The following TSPO2 variants were observed in gnomAD, a reference collection of about 807,000 sequenced individuals.
TSPO2 encodes the protein benzodiazapine receptor (peripheral)-like 1.
TSPO2 carries 15 observed loss-of-function variants against 13.3 expected under a neutral mutation model. That is an observed-to-expected ratio of 1.13 (90% CI 0.75 to 1.73). The LOEUF is 1.73. Among genes scored for constraint, TSPO2 ranks in the 40% most tolerant of loss-of-function variants. The pLI, the probability that TSPO2 is intolerant of heterozygous loss-of-function variation, is 0.00. For synonymous variants in TSPO2, 81 were observed against 91.6 expected (o/e 0.88, Z 0.66); for missense variants, 202 against 198.3 (o/e 1.02, Z -0.11).
Position 41,043,086 on chromosome 6 carries a change from C to G in TSPO2, c.101C>G (p.Pro34Arg). Residue 34 changes from proline (P) to arginine (R), a missense_variant, in exon 2 of 4, where the codon CCG becomes CGG. Pro to Arg is a moderately radical substitution (Grantham distance 103). Transcript: ENST00000373161. ...RDHMSGWCEG[P>R]RMLSWCPFYK... ...CACATGTCTGGTTGGTGTGAGGGCC[C>G]GAGGATGCTGTCCTGGTGCCCATTC... 6.2e-7 allele frequency: 1 copy of G among 1,614,098 alleles called. No homozygotes were observed. The highest frequency in any genetic ancestry group is 8.5e-7 in the Non-Finnish European group (1 of 1,180,020).
rs1359207865 is a variant in TSPO2 at position 41,044,234 on chromosome 6, T to G, written c.*97T>G. 31 of 1,291,394 alleles carry G rather than the reference T, an allele frequency of 2.4e-5. No homozygotes were observed. Among genetic ancestry groups the G allele is most frequent in the Non-Finnish European group, 3.0e-5 (27 of 911,774 alleles). 80.0% of individuals were successfully genotyped at this position (1,291,394 alleles called of 1,614,324 possible). ...AGGGTTCACCCCAATGGGACCACCCTCCTGGGTCCCCTGGTGCCGTTTTTC... is the reference window on the plus strand; with the variant it reads ...AGGGTTCACCCCAATGGGACCACCCGCCTGGGTCCCCTGGTGCCGTTTTTC... On this transcript the variant is annotated 3_prime_UTR_variant, in exon 4 of 4. Coordinates refer to ENST00000373161, the MANE Select transcript of TSPO2 (RefSeq NM_001010873.3).
Position 41,044,223 on chromosome 6 carries a change from TGGGA to T in TSPO2, c.*87_*90del. 1 of 1,427,638 alleles carries T rather than the reference TGGGA, an allele frequency of 7.0e-7. No homozygotes were observed. Among genetic ancestry groups the T allele is most frequent in the Non-Finnish European group, 9.8e-7 (1 of 1,024,814 alleles). The allele number at this position is 1,427,638 out of a possible 1,614,324, so 88.4% of individuals were successfully genotyped here. ...GCTGTGGAGTTAGGGTTCACCCCAA[TGGGA>T]CCACCCTCCTGGGTCCCCTGGTGCC... On this transcript the variant is annotated 3_prime_UTR_variant, in exon 4 of 4. Coordinates refer to ENST00000373161, the MANE Select transcript of TSPO2 (RefSeq NM_001010873.3).
rs750976131 is a variant in TSPO2, at chr6:41,044,121, C to A, written c.497C>A (p.Thr166Lys). Residue 166 changes from threonine to lysine, a missense_variant, in exon 4 of 4, where the codon ACG becomes AAG. Thr to Lys is a moderately conservative substitution (Grantham distance 78). Coordinates refer to ENST00000373161, the MANE Select transcript of TSPO2 (RefSeq NM_001010873.3). ...TGTCCAGTGCACCAGCCTCAGCCCACGGAGAAGAGTGACTGAGGCCCTAGG... is the reference window on the plus strand; with the variant it reads ...TGTCCAGTGCACCAGCCTCAGCCCAAGGAGAAGAGTGACTGAGGCCCTAGG... ...SLCPVHQPQPTEKSD is the reference protein window; with the variant it reads ...SLCPVHQPQPKEKSD 6 of 1,613,952 alleles carry A rather than the reference C, an allele frequency of 3.7e-6. No individual in the cohort carries two copies. In the African/African-American group the frequency reaches 6.7e-5, roughly 18 times the overall value.
At position 41,043,055 on chromosome 6, in the gene TSPO2, C is replaced by T; in HGVS notation, c.70C>T (p.Arg24Cys). 2.5e-6 allele frequency: 4 copies of T among 1,614,124 alleles called. No homozygotes were observed. The highest frequency in any genetic ancestry group is 1.6e-4 in the Middle Eastern group (1 of 6,062). The change falls in exon 2 of 4, where the codon CGT becomes TGT. Residue 24 changes from arginine (R) to cysteine (C), a missense_variant. By Grantham distance (180) the Arg-to-Cys change is radical. Coordinates refer to ENST00000373161, the MANE Select transcript of TSPO2 (RefSeq NM_001010873.3). ...GCCCATCCTGGTCTGGCTGTTCACT[C>T]GTGATCACATGTCTGGTTGGTGTGA... ...LGPILVWLFT[R>C]DHMSGWCEGP...
At chr6:41,043,895 T>C in intron 3 of TSPO2, 45 bp from the exon 4 acceptor site, 1 of 1,587,296 alleles carries the variant, frequency 6.3e-7, no homozygotes, top group Non-Finnish European at 8.6e-7. Flanking sequence ...AAGGTGGAGG[T>C]GCTGGTTCTC....
Position 41,044,323 on chromosome 6 carries a change from A to G in TSPO2, c.*186A>G, listed in dbSNP as rs1762644481. The G allele has an allele frequency of 1.6e-6, 1 of 611,080 alleles. No homozygotes were observed. Among genetic ancestry groups the G allele is most frequent in the African/African-American group, 1.8e-5 (1 of 54,162 alleles). 37.9% of individuals were successfully genotyped at this position (611,080 alleles called of 1,614,324 possible). A position where few individuals can be genotyped will look rare whatever the true frequency, so the allele number is the denominator to read the frequency against. ...TTTTACACTTAAATAATAAAATCCT[A>G]TTAGTAACTCTGAAGGTATGATGTG... On this transcript the variant is annotated 3_prime_UTR_variant, in exon 4 of 4. Coordinates refer to ENST00000373161, the MANE Select transcript of TSPO2 (RefSeq NM_001010873.3).
intron 3 of TSPO2, 113 bp from the exon 4 acceptor site, chr6:41,043,827 C>T: frequency 1.3e-6 from 2 of 1,526,664 alleles, no homozygotes; most frequent in Non-Finnish European, 1.8e-6. Context: ...TCTCTGCACT[C>T]CCATGGTGTG....
chr6:41,042,908 A>G, intron 1 of TSPO2, 58 bp from the exon 2 acceptor site: 3 of 1,560,688 alleles, frequency 1.9e-6, no homozygotes, highest in Non-Finnish European at 2.6e-6. Flanking sequence ...TAGGAGGCAG[A>G]GACAGACGAG....
chr6:41,044,112 C>T lies in TSPO2; in HGVS notation c.488C>T (p.Pro163Leu). 2 of 1,614,184 alleles carry T rather than the reference C, an allele frequency of 1.2e-6. No homozygotes were observed. The highest frequency in any genetic ancestry group is 1.7e-6 in the Non-Finnish European group (2 of 1,180,034). Residue 163 changes from proline to leucine, a missense_variant, in exon 4 of 4, where the codon CCT (proline) becomes CTT (leucine). Coordinates refer to ENST00000373161, the MANE Select transcript of TSPO2 (RefSeq NM_001010873.3). ...GACAGCCTTTGTCCAGTGCACCAGC[C>T]TCAGCCCACGGAGAAGAGTGACTGA... The part of the protein sequence containing the change: ...WRDSLCPVHQ[P>L]QPTEKSD
intron 1 of TSPO2, 31 bp from the exon 2 acceptor site, chr6:41,042,934 GC>G: frequency 6.2e-7 from 1 of 1,603,784 alleles, no homozygotes; most frequent in Middle Eastern, 1.7e-4. Context: ...GCAGGGGAAG[GC>G]TCATCACTAG....
At chr6:41,042,856 T>C in intron 1 of TSPO2, 78 bp downstream of exon 1, 4 of 1,094,756 alleles carry the variant, frequency 3.7e-6, no homozygotes, top group East Asian at 2.5e-5. Flanking sequence ...CCTCCGTGAG[T>C]AGACCTTCTC....
Position 41,044,130 on chromosome 6 carries a change from G to A in TSPO2, c.506G>A (p.Ser169Asn), listed in dbSNP as rs749311942. The A allele has an allele frequency of 5.0e-6, 8 of 1,614,048 alleles. No individual in the cohort carries two copies. Among genetic ancestry groups the A allele is most frequent in the East Asian group, 4.5e-5 (2 of 44,890 alleles). ...CACCAGCCTCAGCCCACGGAGAAGA[G>A]TGACTGAGGCCCTAGGGCATGGGAG... Reference protein sequence around the residue: ...PVHQPQPTEKSD With the variant: ...PVHQPQPTEKND Residue 169 changes from serine (S) to asparagine (N), a missense_variant, in exon 4 of 4, where the codon AGT (serine) becomes AAT (asparagine). By Grantham distance (46) the Ser-to-Asn change is conservative. Transcript: ENST00000373161.
upstream of TSPO2, among the ~76,000 whole-genome samples, chr6:41,041,660 T>C (rs971715551): frequency 1.1e-4 from 17 of 150,622 alleles, no homozygotes; most frequent in African/African-American, 4.2e-4. Flanking sequence ...CCAGGACCAG[T>C]GTCCCTGACC....
At chr6:41,043,831 T>C (rs1762632071) in intron 3 of TSPO2, 109 bp from the exon 4 acceptor site, 1 of 1,505,174 alleles carries the variant, frequency 6.6e-7, no homozygotes, top group South Asian at 1.2e-5. Context: ...TGCACTCCCA[T>C]GGTGTGCACA....
upstream of TSPO2, among the ~76,000 whole-genome samples, chr6:41,041,941 C>T (rs1291808808): frequency 2.0e-5 from 3 of 151,498 alleles, no homozygotes; most frequent in East Asian, 1.9e-4. Flanking sequence ...CACCACTGCA[C>T]TCCAGCCTGG....
In TSPO2 at chr6:41,044,048, CT is replaced by C; in HGVS notation, c.425del (p.Leu142ProfsTer3). 1 of 1,614,198 alleles carries C rather than the reference CT, an allele frequency of 6.2e-7. No individual in the cohort carries two copies. Among genetic ancestry groups the C allele is most frequent in the Non-Finnish European group, 8.5e-7 (1 of 1,180,030 alleles). ...ALLLLPYLAW[L>X]TVTSALTYHL... ...GTTACTGCTGCCCTACCTAGCCTGG[CT>C]CACCGTGACTTCAGCCCTCACCTAC... On this transcript the variant is annotated frameshift_variant, in exon 4 of 4. Coordinates refer to ENST00000373161, the MANE Select transcript of TSPO2 (RefSeq NM_001010873.3). LOFTEE classifies it high-confidence loss of function.
Position 41,042,607 on chromosome 6 carries a change from C to T in TSPO2, c.-192C>T, listed in dbSNP as rs778197233. On this transcript the variant is annotated 5_prime_UTR_variant, in exon 1 of 4. Coordinates refer to ENST00000373161, the MANE Select transcript of TSPO2 (RefSeq NM_001010873.3). ...AGGGCCAGCTACATACCTGGCTAAG[C>T]GCTGCCCACTGCAGAAAAGCTCATC... The T allele has an allele frequency of 2.0e-4, 89 of 446,458 alleles. 1 individual carries two copies. Among genetic ancestry groups the T allele is most frequent in the Admixed American group, 3.4e-4 (14 of 41,316 alleles). 27.7% of individuals were successfully genotyped at this position (446,458 alleles called of 1,614,324 possible).
rs201697345 is a variant in TSPO2, at chr6:41,043,177, C to T, written c.173+19C>T. On this transcript the variant is annotated intron_variant, in intron 2 of 3. Coordinates refer to ENST00000373161, the MANE Select transcript of TSPO2 (RefSeq NM_001010873.3). ...TCGTGGGGTGAGTACTTGTTTCTCACACATGGCCCTGGTACCCAATGGGGT... is the reference window on the plus strand; with the variant it reads ...TCGTGGGGTGAGTACTTGTTTCTCATACATGGCCCTGGTACCCAATGGGGT... 3 of 1,597,256 alleles carry T rather than the reference C, an allele frequency of 1.9e-6. No individual in the cohort carries two copies. The highest frequency in any genetic ancestry group is 2.6e-6 in the Non-Finnish European group (3 of 1,170,932).
At position 41,042,537 on chromosome 6, in the gene TSPO2, A is replaced by T. The variant is rs9369259; in HGVS notation, c.-262A>T. On this transcript the variant is annotated 5_prime_UTR_variant, in exon 1 of 4. Coordinates refer to ENST00000373161, the MANE Select transcript of TSPO2 (RefSeq NM_001010873.3). ...TCTGGCTCCTGCCTTCAGATTGTGA[A>T]CTTTCCAGGTTGGTAGATCAGCTTA... is the stretch of plus-strand genomic sequence containing the variant. 338,827 of 348,602 alleles carry T rather than the reference A, an allele frequency of 0.97. 164,748 individuals carry two copies. The highest frequency in any genetic ancestry group is 1 in the East Asian group (13,502 of 13,504). The allele number at this position is 348,602 out of a possible 1,614,324, so 21.6% of individuals were successfully genotyped here.
Sources: gnomAD v4.1 joint callset for allele counts (sites outside exome capture counted in the v4.1 genomes callset) on GRCh38, gnomAD v4.1.1 for gene constraint, MANE v1.5 for transcripts, NCBI Gene and HGNC (gene_info 2026-07-23, HGNC 2026-07-21) for gene names.